JADE3: variants seen among roughly 807,000 people sequenced by gnomAD.
The protein encoded by JADE3 is protein Jade-3.
JADE3 carries 2 observed loss-of-function variants against 50.1 expected under a neutral mutation model. The observed-to-expected ratio is 0.04, with a 90% CI of 0.02 to 0.13. The LOEUF (loss-of-function observed/expected upper bound fraction) is 0.13, where lower values mean the gene tolerates loss of function less well. Among genes scored for constraint, JADE3 ranks in the 10% least tolerant of loss-of-function variants. The pLI is 1.00. For synonymous variants in JADE3, 218 were observed against 232.9 expected (o/e 0.94, Z 0.58); for missense variants, 475 against 634.4 (o/e 0.75, Z 2.70).
intron 1 of JADE3, among the ~76,000 whole-genome samples, chrX:46,937,149 A>G (rs782528756): frequency 3.6e-5 from 4 of 111,899 alleles, no homozygotes; most frequent in African/African-American, 1.3e-4. Flanking sequence ...CTTGAGTTCA[A>G]AATATTTTAT....
intron 6 of JADE3, among the ~76,000 whole-genome samples, chrX:47,030,399 A>G (rs1288066740): frequency 8.9e-6 from 1 of 111,946 alleles, no homozygotes; most frequent in South Asian, 3.7e-4. Flanking sequence ...ACCTTGCAGT[A>G]TGTAAACTGG....
chrX:47,026,293 G>C (rs1218279539), intron 5 of JADE3, among the ~76,000 whole-genome samples: 1 of 112,038 alleles, frequency 8.9e-6, no homozygotes, highest in Admixed American at 9.5e-5. Flanking sequence ...CTCCTTGGGT[G>C]AGTTTTTTAA....
In JADE3 at chrX:47,002,449, A is replaced by G. The variant is rs782271085; in HGVS notation, c.284+4172A>G. Among the ~76,000 whole-genome samples the G allele has an allele frequency of 3.6e-5, 4 of 111,465 alleles. No homozygotes were observed. In the South Asian group the frequency reaches 1.5e-3, roughly 41 times the overall value. On this transcript the variant is annotated intron_variant, in intron 4 of 10. Coordinates refer to ENST00000614628, the MANE Select transcript of JADE3 (RefSeq NM_014735.5). Reference sequence around the variant, plus strand: ...CTTGCTGGATTTTCATAAGGATTATATTAAACCTTTATCACTTGGGAAGAA... The same window carrying G: ...CTTGCTGGATTTTCATAAGGATTATGTTAAACCTTTATCACTTGGGAAGAA...
chrX:47,041,267 A>G (rs1556369583), intron 8 of JADE3, among the ~76,000 whole-genome samples: 1 of 111,941 alleles, frequency 8.9e-6, no homozygotes, highest in East Asian at 2.8e-4. Flanking sequence ...TTCATTTGTG[A>G]TATGCATTTC....
intron 1 of JADE3, among the ~76,000 whole-genome samples, chrX:46,980,341 G>A (rs1418097968): frequency 9.0e-6 from 1 of 110,954 alleles, no homozygotes; most frequent in Non-Finnish European, 1.9e-5. Context: ...CTAGAATAGC[G>A]ATTCCTTTTT....
At chrX:46,928,687 A>G (rs186596463) in intron 1 of JADE3, among the ~76,000 whole-genome samples, 12 of 112,005 alleles carry the variant, frequency 1.1e-4, no homozygotes, top group African/African-American at 2.9e-4. Context: ...GGGCTCAAGC[A>G]ATTGTTCTAC....
intron 1 of JADE3, among the ~76,000 whole-genome samples, chrX:46,925,147 A>G (rs1926328124): frequency 8.9e-6 from 1 of 112,169 alleles, no homozygotes; most frequent in Non-Finnish European, 1.9e-5. Context: ...TGATACATGA[A>G]TGCATCCTAG....
At chrX:46,998,625 C>T (rs1263637988) in intron 4 of JADE3, among the ~76,000 whole-genome samples, 1 of 110,762 alleles carries the variant, frequency 9.0e-6, no homozygotes, top group Non-Finnish European at 1.9e-5. Context: ...TTACATAATG[C>T]CTGTCTTAGT....
Position 46,954,946 on chromosome X carries a change from T to C in JADE3, c.-11-29938T>C, listed in dbSNP as rs73480243. The stretch of plus-strand genomic sequence containing the variant: ...AGGCATGCAAAGGCTGCTCAACTTA[T>C]AACCTTCTAGGCATATATTAACTGT... On this transcript the variant is annotated intron_variant, in intron 1 of 10. Transcript: ENST00000614628. 3.6e-3 allele frequency among the ~76,000 whole-genome samples: 411 copies of C among 112,739 alleles called. 3 individuals carry two copies. Among genetic ancestry groups the C allele is most frequent in the African/African-American group, 0.012 (381 of 31,080 alleles).
chrX:46,999,719 T>C (rs1928236849), intron 4 of JADE3, among the ~76,000 whole-genome samples: 1 of 110,241 alleles, frequency 9.1e-6, no homozygotes, highest in South Asian at 3.8e-4. Flanking sequence ...AGAAGGACTT[T>C]TCTGCCAGAG....
chrX:46,930,815 T>G (rs1451955154), intron 1 of JADE3, among the ~76,000 whole-genome samples: 2 of 111,376 alleles, frequency 1.8e-5, no homozygotes, highest in Non-Finnish European at 1.9e-5. Context: ...GCGTCCCTCC[T>G]ACTTACCCTT....
chrX:46,930,791 C>A (rs1477425524), intron 1 of JADE3, among the ~76,000 whole-genome samples: 1 of 111,474 alleles, frequency 9.0e-6, no homozygotes, highest in Admixed American at 9.5e-5. Flanking sequence ...TACACCCCAC[C>A]TCAGCTCCAT....
intron 1 of JADE3, among the ~76,000 whole-genome samples, chrX:46,949,326 T>C (rs897022011): frequency 1.8e-5 from 2 of 111,946 alleles, no homozygotes; most frequent in African/African-American, 6.5e-5. Context: ...TTCTCATACA[T>C]GTCTTCAGGA....
intron 1 of JADE3, among the ~76,000 whole-genome samples, chrX:46,977,093 C>T (rs781861695): frequency 8.0e-5 from 9 of 112,048 alleles, no homozygotes; most frequent in African/African-American, 2.3e-4. Flanking sequence ...GGTGTGGTGG[C>T]TCACGCCTGC....
chrX:46,949,014 G>T (rs782233541), intron 1 of JADE3, among the ~76,000 whole-genome samples: 1 of 111,264 alleles, frequency 9.0e-6, no homozygotes, highest in East Asian at 2.8e-4. Context: ...GCCCACTGCA[G>T]CCTTGACTCA....
chrX:47,020,056 C>T (rs782530797), intron 4 of JADE3, among the ~76,000 whole-genome samples: 48 of 111,958 alleles, frequency 4.3e-4, no homozygotes, highest in South Asian at 3.0e-3. Flanking sequence ...TCAGGCCGGG[C>T]GCGGTGGCTC....
At chrX:46,982,730 T>G (rs1556353347) in intron 1 of JADE3, among the ~76,000 whole-genome samples, 1 of 111,569 alleles carries the variant, frequency 9.0e-6, no homozygotes, top group Non-Finnish European at 1.9e-5. Context: ...ACAGTCACCC[T>G]GGGATGACAG....
intron 1 of JADE3, among the ~76,000 whole-genome samples, chrX:46,946,148 A>G (rs1282307699): frequency 8.9e-6 from 1 of 112,111 alleles, no homozygotes; most frequent in Non-Finnish European, 1.9e-5. Flanking sequence ...GCCAGTTATA[A>G]TTATGGGTAC....
intron 1 of JADE3, among the ~76,000 whole-genome samples, chrX:46,955,634 A>G (rs1467670180): frequency 1.8e-5 from 2 of 111,266 alleles, no homozygotes; most frequent in Non-Finnish European, 3.8e-5. Context: ...ACTGTGGTGC[A>G]TTTCCCAGAG....
Sources: allele counts gnomAD v4.1 joint callset (sites outside exome capture counted in the v4.1 genomes callset), GRCh38; gene constraint gnomAD v4.1.1; transcripts MANE v1.5; gene names NCBI Gene and HGNC (gene_info 2026-07-23, HGNC 2026-07-21).